CENPL: variants seen among roughly 807,000 people sequenced by gnomAD.
CENPL encodes centromere protein L, also known as interphase centromere complex protein 33.
In CENPL, 20 loss-of-function variants were observed where a neutral mutation model predicts 35.2. The observed-to-expected ratio is 0.57, with a 90% confidence interval of 0.40 to 0.83. CENPL has a LOEUF of 0.83. Among genes scored for constraint, CENPL ranks in the 40% least tolerant of loss-of-function variants. CENPL has a pLI of 0.00. For synonymous variants in CENPL, 140 were observed against 140.6 expected, an observed-to-expected ratio of 1.00 and a Z score of 0.03; for missense variants, 363 against 395.8, an observed-to-expected ratio of 0.92 and a Z score of 0.70.
intron 5 of CENPL, among the ~76,000 whole-genome samples, chr1:173,801,993 A>C (rs1434079818): frequency 6.6e-6 from 1 of 151,510 alleles, no homozygotes; most frequent in African/African-American, 2.4e-5. Flanking sequence ...ACTGCACTCC[A>C]GCCTGGGTGA....
At position 173,824,813 on chromosome 1, in the gene CENPL, G is replaced by C. The variant is rs1211531889; in HGVS notation, c.-703C>G. On this transcript the variant is annotated 5_prime_UTR_variant, in exon 1 of 6. Transcript: ENST00000682279. ...ATTTGAAACGCGACTGTTACTCCTT[G>C]TTTTCCGGTTCTGGCCGCGGGAGCC... The C allele has an allele frequency of 5.4e-5, 11 of 203,824 alleles. No homozygotes were observed. The East Asian group carries it at 1.3e-3, about 24-fold the overall frequency. 12.6% of individuals were successfully genotyped at this position (203,824 alleles called of 1,614,324 possible). A position where few individuals can be genotyped will look rare whatever the true frequency, so the allele number is the denominator to read the frequency against.
chr1:173,800,996 C>A (rs1175564401), intron 5 of CENPL, among the ~76,000 whole-genome samples: 1 of 152,118 alleles, frequency 6.6e-6, no homozygotes. Flanking sequence ...CTATTTCTTT[C>A]CCTTTTTGTT....
chr1:173,813,775 C>T (rs1230721719), intron 2 of CENPL, among the ~76,000 whole-genome samples: 3 of 152,080 alleles, frequency 2.0e-5, no homozygotes, highest in Non-Finnish European at 2.9e-5. Flanking sequence ...AACTAACGGG[C>T]AAAATAACCA....
chr1:173,809,069 G>A (rs1650542630), intron 3 of CENPL, among the ~76,000 whole-genome samples: 1 of 152,144 alleles, frequency 6.6e-6, no homozygotes, highest in Non-Finnish European at 1.5e-5. Flanking sequence ...GGTCAGGCGT[G>A]GTGGCTCACA....
rs767820247 is a variant in CENPL, at chr1:173,819,316, G to A, written c.-8+4610C>T. Among the ~76,000 whole-genome samples, 4 of 152,102 alleles carry A rather than the reference G, an allele frequency of 2.6e-5. No individual in the cohort carries two copies. The East Asian group carries it at 5.8e-4, about 22-fold the overall frequency. On this transcript the variant is annotated intron_variant, in intron 2 of 5. Coordinates refer to ENST00000682279, the MANE Select transcript of CENPL (RefSeq NM_001387287.1). ...AAGTTATGATTAGTCTCAGCTGGGCGTAGTGGCTCACGCCTGTAATCCCAG... is the reference window on the plus strand; with the variant it reads ...AAGTTATGATTAGTCTCAGCTGGGCATAGTGGCTCACGCCTGTAATCCCAG...
intron 2 of CENPL, chr1:173,822,698 CATCTAAAAAGTTAACTTTGTT>C (rs1652073319): frequency 6.6e-6 from 1 of 152,142 alleles, no homozygotes; most frequent in Admixed American, 6.5e-5. Flanking sequence ...ATCACCTTTA[CATCTAAAAAGTTAACTTTGTT>C]AACTTTATCA....
In CENPL at chr1:173,803,082, G is replaced by C; in HGVS notation, c.844C>G (p.Leu282Val). 3.1e-6 allele frequency: 5 copies of C among 1,613,758 alleles called. No individual in the cohort carries two copies. The highest frequency in any genetic ancestry group is 1.1e-5 in the South Asian group (1 of 91,072). The change falls in exon 5 of 6, where the codon CTA (leucine) becomes GTA (valine). Residue 282 changes from leucine (L) to valine (V), a missense_variant. By Grantham distance (32) the Leu-to-Val change is conservative. Transcript: ENST00000682279. ...TGTGAATAAAGGCAATCCATGAATAGGTCAACTTCTTCCTGGGTAACCTCC... is the reference window on the plus strand; with the variant it reads ...TGTGAATAAAGGCAATCCATGAATACGTCAACTTCTTCCTGGGTAACCTCC... Reference protein sequence around the residue: ...PGEVTQEEVDLFMDCLYSHFH... With the variant: ...PGEVTQEEVDVFMDCLYSHFH...
At chr1:173,810,692 G>A (rs1164771486) in intron 3 of CENPL, among the ~76,000 whole-genome samples, 3 of 152,074 alleles carry the variant, frequency 2.0e-5, no homozygotes, top group South Asian at 2.1e-4. Context: ...AGGCTGAGGC[G>A]GGCAGATCAC....
In CENPL at chr1:173,799,634, AT is replaced by A. The variant is rs1393429130; in HGVS notation, c.*813del. ...CAGAAGCATATTAATGACTAAAAAA[AT>A]GTGTATATTAATCTTTAGTTCCCTT... is the stretch of plus-strand genomic sequence containing the variant. On this transcript the variant is annotated 3_prime_UTR_variant, in exon 6 of 6. Transcript: ENST00000682279. The A allele has an allele frequency of 6.6e-6, 1 of 152,238 alleles. No homozygotes were observed. The highest frequency in any genetic ancestry group is 1.5e-5 in the Non-Finnish European group (1 of 68,038). 9.4% of individuals were successfully genotyped at this position (152,238 alleles called of 1,614,324 possible).
At chr1:173,810,432 T>C (rs917699524) in intron 3 of CENPL, among the ~76,000 whole-genome samples, 2 of 151,930 alleles carry the variant, frequency 1.3e-5, no homozygotes, top group South Asian at 2.1e-4. Context: ...ATCTGGGTGA[T>C]GAAATAATCT....
chr1:173,813,759 T>G (rs1244271204), intron 2 of CENPL, among the ~76,000 whole-genome samples: 1 of 152,146 alleles, frequency 6.6e-6, no homozygotes, highest in Non-Finnish European at 1.5e-5. Context: ...AGGAAGAAAC[T>G]GCATCAACTA....
chr1:173,802,896 C>A (rs1289613597), intron 5 of CENPL, 67 bp downstream of exon 5: 10 of 1,045,946 alleles, frequency 9.6e-6, no homozygotes, highest in Non-Finnish European at 1.4e-5. Context: ...GTGGACAATA[C>A]AATCATCATA....
At chr1:173,824,171 G>C (rs765833416) in intron 1 of CENPL, 41 bp downstream of exon 1, 24 of 152,236 alleles carry the variant, frequency 1.6e-4, no homozygotes, top group Non-Finnish European at 3.4e-4. Context: ...GACGCGGGGC[G>C]GGCCCTGCGA....
Position 173,824,634 on chromosome 1 carries a change from A to G in CENPL, c.-524T>C, listed in dbSNP as rs1652373992. The G allele has an allele frequency of 6.3e-6, 1 of 159,868 alleles. No individual in the cohort carries two copies. The highest frequency in any genetic ancestry group is 2.4e-5 in the African/African-American group (1 of 41,478). 9.9% of individuals were successfully genotyped at this position (159,868 alleles called of 1,614,324 possible). A position where few individuals can be genotyped will look rare whatever the true frequency, so the allele number is the denominator to read the frequency against. On this transcript the variant is annotated 5_prime_UTR_variant, in exon 1 of 6. Coordinates refer to ENST00000682279, the MANE Select transcript of CENPL (RefSeq NM_001387287.1). ...CGGCACCTCACCACTGATTCGTTGA[A>G]TTCCTTCCCGGTAATCTTGGGCACT...
At chr1:173,817,009 G>A (rs1165783560) in intron 2 of CENPL, among the ~76,000 whole-genome samples, 2 of 152,068 alleles carry the variant, frequency 1.3e-5, no homozygotes, top group African/African-American at 4.8e-5. Context: ...ATGGTGATGT[G>A]CGCCTATACT....
At chr1:173,801,690 G>A (rs1274067326) in intron 5 of CENPL, among the ~76,000 whole-genome samples, 1 of 151,660 alleles carries the variant, frequency 6.6e-6, no homozygotes, top group Non-Finnish European at 1.5e-5. Context: ...CATGGTGGCA[G>A]GCACCTGTAG....
intron 5 of CENPL, among the ~76,000 whole-genome samples, chr1:173,801,700 G>T (rs1044589589): frequency 6.8e-6 from 1 of 146,292 alleles, no homozygotes; most frequent in South Asian, 2.2e-4. Context: ...GGCACCTGTA[G>T]TCCCAGCTAC....
chr1:173,819,466 C>T (rs989330407), intron 2 of CENPL, among the ~76,000 whole-genome samples: 2 of 151,900 alleles, frequency 1.3e-5, no homozygotes, highest in Non-Finnish European at 2.9e-5. Flanking sequence ...TGGCACACAC[C>T]TGTAGTCCCA....
At chr1:173,808,665 T>C (rs1650467513) in intron 3 of CENPL, 1 of 150,758 alleles carries the variant, frequency 6.6e-6, no homozygotes. Context: ...TTTGCCATGC[T>C]CTATTAGAAC....
Sources: gnomAD v4.1 joint callset for allele counts (sites outside exome capture counted in the v4.1 genomes callset) on GRCh38, gnomAD v4.1.1 for gene constraint, MANE v1.5 for transcripts, NCBI Gene and HGNC (gene_info 2026-07-23, HGNC 2026-07-21) for gene names.